The following PTPRG variants were observed in gnomAD, a reference collection of about 807,000 sequenced individuals.
The protein encoded by PTPRG is protein tyrosine phosphatase receptor type G.
PTPRG carries 102 observed loss-of-function variants against 165.3 expected under a neutral mutation model. The observed-to-expected ratio is 0.62, with a 90% confidence interval of 0.53 to 0.73. The LOEUF (loss-of-function observed/expected upper bound fraction) is 0.73, where lower values mean the gene tolerates loss of function less well. Among genes scored for constraint, PTPRG ranks in the 30% least tolerant of loss-of-function variants. The pLI is 0.00. For missense variants in PTPRG, 1,866 were observed against 1,861.4 expected, an observed-to-expected ratio of 1.00 and a Z score of -0.05; for synonymous variants, 675 against 669.5, an observed-to-expected ratio of 1.01 and a Z score of -0.13.
chr3:61,733,559 A>G (rs2032602974), intron 1 of PTPRG, among the ~76,000 whole-genome samples: 1 of 152,210 alleles, frequency 6.6e-6, no homozygotes, highest in South Asian at 2.1e-4. Context: ...CTAAAGAAGC[A>G]TTACCTATCA....
rs1362858285 is a variant in PTPRG, at chr3:62,273,903, GT to G, written c.3465+62del. ...CAAGAAAATGTTTTAAATGCCTTGA[GT>G]TTGGGGGTTATGTCTTCTTTGCATT... is the stretch of plus-strand genomic sequence containing the variant. On this transcript the variant is annotated intron_variant, in intron 23 of 29. Coordinates refer to ENST00000474889, the MANE Select transcript of PTPRG (RefSeq NM_002841.4). This position sits in a 1 kb window ranked among gnomAD's most constrained non-coding sequence, Gnocchi z 4.1. The G allele has an allele frequency of 7.1e-6, 11 of 1,541,734 alleles. No homozygotes were observed. Among genetic ancestry groups the G allele is most frequent in the Non-Finnish European group, 8.9e-6 (10 of 1,123,034 alleles).
intron 2 of PTPRG, among the ~76,000 whole-genome samples, chr3:61,954,792 G>A (rs144358708): frequency 6.6e-6 from 1 of 152,318 alleles, no homozygotes; most frequent in African/African-American, 2.4e-5. Flanking sequence ...TGCAGCATAA[G>A]GATGAACAGA....
intron 2 of PTPRG, among the ~76,000 whole-genome samples, chr3:61,986,361 A>G (rs1013480200): frequency 1.3e-5 from 2 of 152,184 alleles, no homozygotes; most frequent in Admixed American, 1.3e-4. Flanking sequence ...TAAATGGTAA[A>G]TTGTATAATA....
intron 2 of PTPRG, among the ~76,000 whole-genome samples, chr3:61,971,540 C>T (rs1046576123): frequency 2.6e-5 from 4 of 152,188 alleles, no homozygotes; most frequent in African/African-American, 9.7e-5. Context: ...AACTAAAACT[C>T]ATTATCTTGT....
chr3:62,271,573 A>T lies in PTPRG; in HGVS notation c.3182+18A>T, dbSNP rs751144334. 3.7e-6 allele frequency: 6 copies of T among 1,606,230 alleles called. No homozygotes were observed. Among genetic ancestry groups the T allele is most frequent in the South Asian group, 3.3e-5 (3 of 89,844 alleles). Reference sequence around the variant, plus strand: ...CACTGCAGGTAGGGTCTAGGATTCAACATGTGAAATAGATGGGGCAGGGGA... The same window carrying T: ...CACTGCAGGTAGGGTCTAGGATTCATCATGTGAAATAGATGGGGCAGGGGA... On this transcript the variant is annotated intron_variant, in intron 21 of 29. Transcript: ENST00000474889. The surrounding 1 kb of genome is among the most constrained non-coding windows in gnomAD (Gnocchi z 4.1).
Position 61,943,315 on chromosome 3 carries a change from G to A in PTPRG, c.191-46310G>A, listed in dbSNP as rs1274264771. Among the ~76,000 whole-genome samples, 7 of 152,210 alleles carry A rather than the reference G, an allele frequency of 4.6e-5. No homozygotes were observed. In the East Asian group the frequency reaches 5.8e-4, roughly 13 times the overall value. On this transcript the variant is annotated intron_variant, in intron 2 of 29. Coordinates refer to ENST00000474889, the MANE Select transcript of PTPRG (RefSeq NM_002841.4). Reference sequence around the variant, plus strand: ...CAAAAATACATGTAATAGGCTGGACGTGGTGGCTCACGCCTATAATCCTAG... The same window carrying A: ...CAAAAATACATGTAATAGGCTGGACATGGTGGCTCACGCCTATAATCCTAG...
At chr3:62,193,146 C>G (rs1464389116) in intron 9 of PTPRG, among the ~76,000 whole-genome samples, 1 of 152,164 alleles carries the variant, frequency 6.6e-6, no homozygotes, top group Non-Finnish European at 1.5e-5. Context: ...TTTTCTCTTT[C>G]TGGAGTGAAG....
chr3:62,133,156 T>C (rs1304106338), intron 6 of PTPRG, among the ~76,000 whole-genome samples: 1 of 152,224 alleles, frequency 6.6e-6, no homozygotes, highest in African/African-American at 2.4e-5. Flanking sequence ...TCTCTTATCC[T>C]CAGGCATAAA....
chr3:61,770,285 A>G (rs1475200455), intron 2 of PTPRG: 1 of 152,156 alleles, frequency 6.6e-6, no homozygotes. Flanking sequence ...TAATTTAGGG[A>G]TGAATGATTG....
At chr3:62,020,344 A>G (rs2107758638) in intron 4 of PTPRG, among the ~76,000 whole-genome samples, 1 of 152,298 alleles carries the variant, frequency 6.6e-6, no homozygotes, top group East Asian at 1.9e-4. Flanking sequence ...CAGAACAATG[A>G]GTCTCATTTA....
At chr3:61,611,254 T>C (rs1260090836) in intron 1 of PTPRG, among the ~76,000 whole-genome samples, 1 of 152,212 alleles carries the variant, frequency 6.6e-6, no homozygotes, top group Non-Finnish European at 1.5e-5. Context: ...CAGAATGTTA[T>C]TCAGCTTCTT....
intron 2 of PTPRG, among the ~76,000 whole-genome samples, chr3:61,913,077 T>C (rs1223176177): frequency 2.6e-5 from 4 of 152,134 alleles, no homozygotes; most frequent in African/African-American, 7.2e-5. Context: ...ATTTAAACTT[T>C]AGATTCAGGG....
At chr3:62,029,217 A>T (rs555174805) in intron 4 of PTPRG, among the ~76,000 whole-genome samples, 5 of 152,128 alleles carry the variant, frequency 3.3e-5, no homozygotes, top group Non-Finnish European at 5.9e-5. Context: ...CAAGAATTCT[A>T]TGTGTATCTT....
chr3:61,939,862 T>C (rs1490675614), intron 2 of PTPRG, among the ~76,000 whole-genome samples: 1 of 150,494 alleles, frequency 6.6e-6, no homozygotes, highest in African/African-American at 2.4e-5. Context: ...ACATTTTGGA[T>C]AACTTTTGAA....
chr3:62,246,449 A>G (rs955107075), intron 15 of PTPRG, among the ~76,000 whole-genome samples: 1 of 152,200 alleles, frequency 6.6e-6, no homozygotes, highest in Non-Finnish European at 1.5e-5. Flanking sequence ...CTTGGTAAAT[A>G]AAACCCCACA....
At chr3:61,715,008 A>C (rs910391360) in intron 1 of PTPRG, among the ~76,000 whole-genome samples, 2 of 152,176 alleles carry the variant, frequency 1.3e-5, no homozygotes, top group African/African-American at 2.4e-5. Flanking sequence ...GGAAGTTTAC[A>C]GAAGCTCCCA....
intron 3 of PTPRG, among the ~76,000 whole-genome samples, chr3:61,999,682 T>C (rs1190681649): frequency 1.3e-5 from 2 of 152,218 alleles, no homozygotes; most frequent in Non-Finnish European, 2.9e-5. Flanking sequence ...AATGAATTGA[T>C]TTTAAAAGAA....
At chr3:62,159,343 A>C (rs2106705213) in intron 7 of PTPRG, among the ~76,000 whole-genome samples, 1 of 152,174 alleles carries the variant, frequency 6.6e-6, no homozygotes, top group Admixed American at 6.5e-5. Context: ...AAAAAAGAGA[A>C]AGATTTGAGA....
In PTPRG at chr3:62,203,255, T is replaced by G; in HGVS notation, c.1460T>G (p.Phe487Cys). 1 of 1,613,832 alleles carries G rather than the reference T, an allele frequency of 6.2e-7. No individual in the cohort carries two copies. The highest frequency in any genetic ancestry group is 8.5e-7 in the Non-Finnish European group (1 of 1,179,964). The change falls in exon 12 of 30, where the codon TTC becomes TGC. Residue 487 changes from phenylalanine (F) to cysteine (C), a missense_variant. Transcript: ENST00000474889. This position sits in a 1 kb window ranked among gnomAD's most constrained non-coding sequence, Gnocchi z 6.4. The part of the protein sequence containing the change: ...SSTWTSSGIP[F>C]SFVSMATGMG... Reference sequence around the variant, plus strand: ...ACCTGGACGTCCTCTGGCATCCCATTCTCATTTGTTTCCATGGCAACTGGG... The same window carrying G: ...ACCTGGACGTCCTCTGGCATCCCATGCTCATTTGTTTCCATGGCAACTGGG...
Sources: gnomAD v4.1 joint callset for allele counts (sites outside exome capture counted in the v4.1 genomes callset) on GRCh38, gnomAD v4.1.1 for gene constraint, Gnocchi (gnomAD v3.1) non-coding constraint, MANE v1.5 for transcripts, NCBI Gene and HGNC (gene_info 2026-07-23, HGNC 2026-07-21) for gene names.